Variants in MAF observed in about 807,000 individuals in gnomAD.
MAF encodes MAF bZIP transcription factor, also known as transcription factor Maf.
Under a neutral mutation model 22.0 loss-of-function variants are expected in MAF, and 10 were observed. That is an observed-to-expected ratio of 0.45 (90% CI 0.28 to 0.77). The LOEUF (loss-of-function observed/expected upper bound fraction) is 0.77. Among genes scored for constraint, MAF ranks in the 30% least tolerant of loss-of-function variants. The pLI, the probability that MAF is intolerant of heterozygous loss-of-function variation, is 0.12. For synonymous variants in MAF, 337 were observed against 255.8 expected (o/e 1.32, Z -3.03); for missense variants, 544 against 548.4 (o/e 0.99, Z 0.08).
At chr16:79,444,772 C>T in the MAF span, among the ~76,000 whole-genome samples, 2 of 152,130 alleles carry the variant, frequency 1.3e-5, no homozygotes, top group South Asian at 4.1e-4. Context: ...AGATTATTGC[C>T]CGGCCCACGT....
the MAF span, among the ~76,000 whole-genome samples, chr16:79,320,945 G>A: frequency 6.6e-6 from 1 of 152,202 alleles, no homozygotes. Flanking sequence ...TCACAGTCCA[G>A]TAAATGAAGA....
the MAF span, among the ~76,000 whole-genome samples, chr16:79,556,158 T>G: frequency 8.5e-5 from 13 of 152,322 alleles, no homozygotes; most frequent in South Asian, 2.7e-3. Flanking sequence ...ACAATCTGAT[T>G]GTATAAGATA....
At chr16:79,598,471 A>AAC (rs1913714756) in intron 1 of MAF, 3 of 1,300,092 alleles carry the variant, frequency 2.3e-6, no homozygotes, top group South Asian at 1.6e-5. Flanking sequence ...AAAAAAAAAA[A>AAC]CAAGCTAGCA....
chr16:79,237,791 G>A, the MAF span, among the ~76,000 whole-genome samples: 2 of 152,086 alleles, frequency 1.3e-5, no homozygotes, highest in Admixed American at 6.6e-5. Context: ...GGCTAGCAGC[G>A]ACACTGCACC....
the MAF span, among the ~76,000 whole-genome samples, chr16:79,484,771 G>A: frequency 2.6e-5 from 4 of 152,214 alleles, no homozygotes; most frequent in Non-Finnish European, 5.9e-5. Context: ...TGGCAGCTGC[G>A]GAAAAGGGGT....
the MAF span, among the ~76,000 whole-genome samples, chr16:79,455,869 T>A: frequency 6.6e-6 from 1 of 151,962 alleles, no homozygotes; most frequent in Non-Finnish European, 1.5e-5. Flanking sequence ...AATACAAAAG[T>A]TAGCCGGGTG....
chr16:79,301,292 C>G, the MAF span, among the ~76,000 whole-genome samples: 2 of 152,152 alleles, frequency 1.3e-5, no homozygotes, highest in African/African-American at 4.8e-5. Context: ...CAGCGAGACC[C>G]TGGGTGAGGC....
At chr16:79,317,502 C>A in the MAF span, among the ~76,000 whole-genome samples, 23 of 135,872 alleles carry the variant, frequency 1.7e-4, no homozygotes, top group Non-Finnish European at 1.1e-4. Flanking sequence ...TTCTCCCTTT[C>A]TTTTCTGCCT....
chr16:79,362,539 C>T, the MAF span, among the ~76,000 whole-genome samples: 8 of 152,198 alleles, frequency 5.3e-5, no homozygotes, highest in Non-Finnish European at 8.8e-5. Context: ...TAGAAATAGT[C>T]CTCTCATGAG....
At chr16:79,493,144 T>TG in the MAF span, among the ~76,000 whole-genome samples, 2,458 of 119,400 alleles carry the variant, frequency 0.021, 19 homozygotes, top group African/African-American at 0.062. Context: ...TTTTTTTTTG[T>TG]TTTGTTTTGT....
At chr16:79,396,774 T>C in the MAF span, among the ~76,000 whole-genome samples, 2 of 152,240 alleles carry the variant, frequency 1.3e-5, no homozygotes, top group Admixed American at 6.5e-5. Flanking sequence ...AATTTATTAG[T>C]TCTGGGGTGC....
chr16:79,415,699 C>A, the MAF span, among the ~76,000 whole-genome samples: 2 of 151,840 alleles, frequency 1.3e-5, no homozygotes, highest in African/African-American at 2.4e-5. Context: ...TCTGCTTGTG[C>A]CATATTAGAA....
At chr16:79,389,804 C>T in the MAF span, among the ~76,000 whole-genome samples, 3 of 150,908 alleles carry the variant, frequency 2.0e-5, no homozygotes, top group African/African-American at 7.3e-5. Flanking sequence ...GTGAAACGCC[C>T]TCTCTACTAA....
In MAF at chr16:79,594,477, T is replaced by A; in HGVS notation, c.1195A>T (p.Ser399Cys). 6.4e-7 allele frequency: 1 copy of A among 1,561,784 alleles called. No homozygotes were observed. The highest frequency in any genetic ancestry group is 8.7e-7 in the Non-Finnish European group (1 of 1,150,626). The change falls in exon 2 of 2, where the codon AGT (serine) becomes TGT (cysteine). Residue 399 changes from serine (S) to cysteine (C), a missense_variant. Physicochemically the swap from Ser to Cys is moderately radical, Grantham distance 112 (BLOSUM62 -1). Transcript: ENST00000326043. ...CACAAATTTCATTTTGTGAACACACTGGTAAGTACACGATGCTGGGGCTTC... is the reference window on the plus strand; with the variant it reads ...CACAAATTTCATTTTGTGAACACACAGGTAAGTACACGATGCTGGGGCTTC... Reference protein sequence around the residue: ...FWKPQHRVLTSVFTK With the variant: ...FWKPQHRVLTCVFTK
the MAF span, among the ~76,000 whole-genome samples, chr16:79,330,194 A>G: frequency 5.9e-5 from 9 of 152,192 alleles, no homozygotes; most frequent in African/African-American, 9.7e-5. Flanking sequence ...CTGCAATCCA[A>G]TTTTATGGTT....
At chr16:79,326,119 C>A in the MAF span, among the ~76,000 whole-genome samples, 2 of 152,172 alleles carry the variant, frequency 1.3e-5, no homozygotes. Context: ...TAGTTTTGCC[C>A]ATAAAGTCTG....
the MAF span, among the ~76,000 whole-genome samples, chr16:79,323,135 C>T: frequency 3.6e-5 from 4 of 110,930 alleles, no homozygotes; most frequent in East Asian, 8.3e-4. Flanking sequence ...GGTGACAGCG[C>T]GAGACTCCAT....
the MAF span, among the ~76,000 whole-genome samples, chr16:79,366,142 A>T: frequency 6.6e-6 from 1 of 152,202 alleles, no homozygotes; most frequent in African/African-American, 2.4e-5. Flanking sequence ...ACCAGCTGTC[A>T]TTCTCATGGT....
the MAF span, among the ~76,000 whole-genome samples, chr16:79,551,011 C>T: frequency 4.6e-5 from 7 of 152,116 alleles, no homozygotes; most frequent in African/African-American, 1.7e-4. Context: ...AGAGATCCCC[C>T]GCATGGGGAG....
Sources: allele counts gnomAD v4.1 joint callset (sites outside exome capture counted in the v4.1 genomes callset), GRCh38; gene constraint gnomAD v4.1.1; transcripts MANE v1.5; gene names NCBI Gene and HGNC (gene_info 2026-07-23, HGNC 2026-07-21).